The following USP7 variants were observed in gnomAD, a reference collection of about 807,000 sequenced individuals.
USP7 encodes ubiquitin C-terminal hydrolase 7.
A neutral mutation model predicts 162.9 loss-of-function variants in USP7; 9 were observed. The observed-to-expected ratio is 0.06, with a 90% CI of 0.03 to 0.10. USP7 has a LOEUF of 0.10. Among genes scored for constraint, USP7 ranks in the 10% least tolerant of loss-of-function variants. The pLI is 1.00. For missense variants in USP7, 715 were observed against 1,373.7 expected, an observed-to-expected ratio of 0.52 and a Z score of 7.58; for synonymous variants, 562 against 475.9, an observed-to-expected ratio of 1.18 and a Z score of -2.35.
intron 1 of USP7, among the ~76,000 whole-genome samples, chr16:8,950,630 C>T (rs1022287417): frequency 1.3e-5 from 2 of 152,192 alleles, no homozygotes; most frequent in African/African-American, 4.8e-5. Flanking sequence ...CAGTTACCAA[C>T]CCAGCCCTGT....
chr16:8,929,181 G>A (rs1357097545), intron 2 of USP7, among the ~76,000 whole-genome samples: 7 of 152,214 alleles, frequency 4.6e-5, no homozygotes, highest in African/African-American at 1.7e-4. Flanking sequence ...CGCACACCTA[G>A]CGCCTCAGAG....
intron 26 of USP7, among the ~76,000 whole-genome samples, 156 bp from the exon 27 acceptor site, chr16:8,895,897 C>A (rs1311244042): frequency 6.7e-6 from 1 of 148,874 alleles, no homozygotes; most frequent in Non-Finnish European, 1.5e-5. Flanking sequence ...AGTGCAACAG[C>A]ATGGTCTCAG....
intron 26 of USP7, among the ~76,000 whole-genome samples, chr16:8,896,340 C>T (rs755267621): frequency 6.6e-6 from 1 of 152,130 alleles, no homozygotes; most frequent in Non-Finnish European, 1.5e-5. Context: ...AATTCACATT[C>T]AGCTGATAGT....
At chr16:8,908,599 T>A in intron 11 of USP7, 149 bp from the exon 12 acceptor site, 1 of 623,848 alleles carries the variant, frequency 1.6e-6, no homozygotes, top group South Asian at 2.0e-5. Flanking sequence ...AGGGCATCTT[T>A]GAAATGTTTT....
At chr16:8,915,649 G>A in intron 8 of USP7, 124 bp from the exon 9 acceptor site, 2 of 832,414 alleles carry the variant, frequency 2.4e-6, no homozygotes, top group Non-Finnish European at 1.9e-6. Context: ...TATGACCTCT[G>A]GCATGCAATT....
chr16:8,917,675 A>G lies in USP7; in HGVS notation c.721-519T>C, dbSNP rs143818812. 4.5e-4 allele frequency among the ~76,000 whole-genome samples: 69 copies of G among 152,284 alleles called. 1 individual carries two copies. In the East Asian group the frequency reaches 0.012, roughly 27 times the overall value. ...ATTATAGGCGAGAGCTACCGCACCC[A>G]GCCTCACCCATATGTTCTTGATAAA... On this transcript the variant is annotated intron_variant, in intron 6 of 30. Coordinates refer to ENST00000344836, the MANE Select transcript of USP7 (RefSeq NM_003470.3).
At chr16:8,928,481 C>G (rs528614144) in intron 2 of USP7, among the ~76,000 whole-genome samples, 148 of 152,322 alleles carry the variant, frequency 9.7e-4, no homozygotes, top group African/African-American at 3.2e-3. Flanking sequence ...CAGCACATAT[C>G]CAACTTCCTA....
chr16:8,903,220 T>C (rs374719078), intron 16 of USP7, 48 bp downstream of exon 16: 347 of 1,583,460 alleles, frequency 2.2e-4, no homozygotes, highest in Non-Finnish European at 2.7e-4. Flanking sequence ...GGAAGGAAGG[T>C]GGACGTTGGG....
At chr16:8,954,502 A>G (rs908085111) in intron 1 of USP7, among the ~76,000 whole-genome samples, 1 of 152,290 alleles carries the variant, frequency 6.6e-6, no homozygotes, top group Non-Finnish European at 1.5e-5. Flanking sequence ...TTTTAGGATT[A>G]CCCTGTTAAC....
chr16:8,902,242 G>C (rs2061786207), intron 17 of USP7, 55 bp from the exon 18 acceptor site: 3 of 1,591,482 alleles, frequency 1.9e-6, no homozygotes, highest in Non-Finnish European at 2.6e-6. Flanking sequence ...AGGTGACAGA[G>C]CGAAAAACTA....
chr16:8,936,102 G>A (rs1898702976), intron 1 of USP7, among the ~76,000 whole-genome samples: 2 of 152,254 alleles, frequency 1.3e-5, no homozygotes, highest in South Asian at 2.1e-4. Flanking sequence ...GAAACTAAGA[G>A]TCCATGTCCT....
At chr16:8,918,927 G>T (rs1897525361) in intron 6 of USP7, 104 bp downstream of exon 6, 3 of 1,129,520 alleles carry the variant, frequency 2.7e-6, no homozygotes, top group Non-Finnish European at 4.0e-6. Context: ...AGGAGACAGG[G>T]CCAGGGGAGG....
intron 25 of USP7, among the ~76,000 whole-genome samples, chr16:8,897,711 A>C (rs1567206388): frequency 1.1e-4 from 5 of 45,604 alleles, no homozygotes; most frequent in South Asian, 1.0e-3. Flanking sequence ...AAAAAAAAAA[A>C]AAAAAAAAAA....
At chr16:8,960,622 G>C (rs1899971323) in intron 1 of USP7, among the ~76,000 whole-genome samples, 1 of 152,170 alleles carries the variant, frequency 6.6e-6, no homozygotes, top group South Asian at 2.1e-4. Flanking sequence ...CTGCTAGTTC[G>C]TTAGGAACCG....
Position 8,934,179 on chromosome 16 carries a change from C to T in USP7, c.80-3782G>A, listed in dbSNP as rs375620500. Among the ~76,000 whole-genome samples, 17 of 152,286 alleles carry T rather than the reference C, an allele frequency of 1.1e-4. No individual in the cohort carries two copies. In the East Asian group the frequency reaches 3.1e-3, roughly 28 times the overall value. On this transcript the variant is annotated intron_variant, in intron 1 of 30. Transcript: ENST00000344836. Reference sequence around the variant, plus strand: ...TAATGCATGGATGCAAAAATGAGGGCTCATTTTCTGTACATAAAACTTCAT... The same window carrying T: ...TAATGCATGGATGCAAAAATGAGGGTTCATTTTCTGTACATAAAACTTCAT...
chr16:8,898,339 C>A lies in USP7; in HGVS notation c.2718+21G>T, dbSNP rs558356619. On this transcript the variant is annotated intron_variant, in intron 25 of 30. Coordinates refer to ENST00000344836, the MANE Select transcript of USP7 (RefSeq NM_003470.3). Reference sequence around the variant, plus strand: ...GCAAGTTCCAATAAAAATTAAAATTCATAGTATTAAAAAAACTTACCTCTT... The same window carrying A: ...GCAAGTTCCAATAAAAATTAAAATTAATAGTATTAAAAAAACTTACCTCTT... 6 of 1,557,368 alleles carry A rather than the reference C, an allele frequency of 3.9e-6. No homozygotes were observed. In the South Asian group the frequency reaches 5.8e-5, roughly 15 times the overall value.
intron 6 of USP7, 142 bp from the exon 7 acceptor site, chr16:8,917,298 C>A: frequency 1.0e-6 from 1 of 988,604 alleles, no homozygotes. Context: ...TTTTAACGAT[C>A]CCCAAATTGG....
chr16:8,954,378 C>T (rs993273983), intron 1 of USP7, among the ~76,000 whole-genome samples: 1 of 152,196 alleles, frequency 6.6e-6, no homozygotes, highest in African/African-American at 2.4e-5. Context: ...GTTCAGTGGG[C>T]TCGCTCATCT....
intron 2 of USP7, 21 bp from the exon 3 acceptor site, chr16:8,923,434 C>A (rs1302317028): frequency 1.3e-5 from 21 of 1,612,942 alleles, no homozygotes; most frequent in Non-Finnish European, 1.6e-5. Context: ...AACACATCAT[C>A]AGTCACAGAG....
Sources: allele counts gnomAD v4.1 joint callset (sites outside exome capture counted in the v4.1 genomes callset), GRCh38; gene constraint gnomAD v4.1.1; transcripts MANE v1.5; gene names NCBI Gene and HGNC (gene_info 2026-07-23, HGNC 2026-07-21).